Variants in GLYATL2 observed in about 807,000 individuals in gnomAD.
The protein encoded by GLYATL2 is glycine-N-acyltransferase like 2.
A neutral mutation model predicts 21.4 loss-of-function variants in GLYATL2; 25 were observed. That is an observed-to-expected ratio of 1.17 (90% confidence interval 0.85 to 1.63). GLYATL2 has a LOEUF of 1.63. Ranked by LOEUF, GLYATL2 falls within the 40% of genes most tolerant of loss-of-function variation. The pLI is 0.00. For missense variants in GLYATL2, 361 were observed against 343.3 expected (o/e 1.05, Z -0.41); for synonymous variants, 114 against 118.2 (o/e 0.96, Z 0.23).
At chr11:58,872,717 A>C (rs1418559348) in intron 1 of GLYATL2, among the ~76,000 whole-genome samples, 1 of 152,174 alleles carries the variant, frequency 6.6e-6, no homozygotes, top group African/African-American at 2.4e-5. Context: ...GTCAGGTAGC[A>C]TGATGCCTCC....
In GLYATL2 at chr11:58,891,840, A is replaced by G. The variant is rs74859858; in HGVS notation, n.60+12316T>C. Among the ~76,000 whole-genome samples the G allele has an allele frequency of 1.6e-3, 239 of 152,270 alleles. 5 individuals carry two copies. In the East Asian group the frequency reaches 0.038, roughly 24 times the overall value. On this transcript the variant is annotated intron_variant and non_coding_transcript_variant, in intron 1 of 4. Coordinates refer to the GLYATL2 transcript ENST00000533636. Reference sequence around the variant, plus strand: ...AAGCAGGGAGAGAAGCAATTGTTGCAATCTTGATTGTGCTGGGTGCTCGGT... The same window carrying G: ...AAGCAGGGAGAGAAGCAATTGTTGCGATCTTGATTGTGCTGGGTGCTCGGT...
At chr11:58,846,012 A>C (rs1338757764), upstream of GLYATL2, among the ~76,000 whole-genome samples, 2 of 151,988 alleles carry the variant, frequency 1.3e-5, no homozygotes, top group Admixed American at 6.6e-5. Flanking sequence ...CTATCAAAGA[A>C]TTTTACATAT....
chr11:58,878,808 T>C (rs559313533), intron 1 of GLYATL2, among the ~76,000 whole-genome samples: 1 of 152,282 alleles, frequency 6.6e-6, no homozygotes, highest in East Asian at 1.9e-4. Flanking sequence ...GGCAGTGAAG[T>C]CTTACAGAAA....
chr11:58,909,649 T>G, the GLYATL2 span, among the ~76,000 whole-genome samples: 4 of 152,220 alleles, frequency 2.6e-5, no homozygotes, highest in Non-Finnish European at 5.9e-5. Flanking sequence ...ATTTGGCGAA[T>G]AAGACAGCTG....
chr11:58,848,095 T>A (rs1853675565), upstream of GLYATL2, among the ~76,000 whole-genome samples: 1 of 150,030 alleles, frequency 6.7e-6, no homozygotes, highest in African/African-American at 2.5e-5. Flanking sequence ...TCTCCAAGAC[T>A]ATTGAGGCGG....
At chr11:58,848,489 C>T (rs1352796769), upstream of GLYATL2, among the ~76,000 whole-genome samples, 1 of 152,160 alleles carries the variant, frequency 6.6e-6, no homozygotes, top group Admixed American at 6.5e-5. Context: ...CTATCAGATA[C>T]ATTTAACAGA....
In GLYATL2 at chr11:58,888,408, G is replaced by T. The variant is rs61669118; in HGVS notation, n.60+15748C>A. Among the ~76,000 whole-genome samples the T allele has an allele frequency of 7.5e-3, 1,136 of 151,824 alleles. 17 individuals carry two copies. The highest frequency in any genetic ancestry group is 0.026 in the African/African-American group (1,087 of 41,474). On this transcript the variant is annotated intron_variant and non_coding_transcript_variant, in intron 1 of 4. Transcript: ENST00000533636. ...TTTTTCCTACTCCAAGATCATACAAGTGTTTTCTTATTTAATCTTACAGTG... is the reference window on the plus strand; with the variant it reads ...TTTTTCCTACTCCAAGATCATACAATTGTTTTCTTATTTAATCTTACAGTG...
At chr11:58,905,897 C>A (rs1485998756), upstream of GLYATL2, among the ~76,000 whole-genome samples, 2 of 152,228 alleles carry the variant, frequency 1.3e-5, no homozygotes, top group Non-Finnish European at 2.9e-5. Context: ...GAGGATGAAT[C>A]ATTTCCATCC....
chr11:58,887,067 T>C (rs931703625), intron 1 of GLYATL2, among the ~76,000 whole-genome samples: 17 of 152,250 alleles, frequency 1.1e-4, no homozygotes, highest in Non-Finnish European at 2.2e-4. Flanking sequence ...TAAATAATTG[T>C]AGGAGGTCAA....
chr11:58,873,643 A>T (rs1007233917), intron 1 of GLYATL2, among the ~76,000 whole-genome samples: 7 of 152,132 alleles, frequency 4.6e-5, no homozygotes, highest in Non-Finnish European at 1.0e-4. Flanking sequence ...AGCCCACTTG[A>T]TCATGGTGGA....
chr11:58,908,582 G>GTT (rs1854966061), upstream of GLYATL2: 1 of 178,880 alleles, frequency 5.6e-6, no homozygotes, highest in South Asian at 1.5e-4. Context: ...TCACTGGAGA[G>GTT]ATAGTCTAAC....
rs1853383929 is a variant in GLYATL2, at chr11:58,834,313, A to G, written c.*116T>C. 1.3e-6 allele frequency: 1 copy of G among 787,226 alleles called. No homozygotes were observed. The highest frequency in any genetic ancestry group is 1.8e-5 in the African/African-American group (1 of 57,010). The allele number at this position is 787,226 out of a possible 1,614,324, so 48.8% of individuals were successfully genotyped here. A position where few individuals can be genotyped will look rare whatever the true frequency, so the allele number is the denominator to read the frequency against. ...AAAACTGTTAAGGGTGAGCTTAAGT[A>G]ATACACAGATCCTAGATAATCAGTT... is the stretch of plus-strand genomic sequence containing the variant. On this transcript the variant is annotated 3_prime_UTR_variant, in exon 6 of 6. Coordinates refer to ENST00000287275, the MANE Select transcript of GLYATL2 (RefSeq NM_145016.4).
upstream of GLYATL2, among the ~76,000 whole-genome samples, chr11:58,905,169 T>C (rs1240736272): frequency 6.6e-6 from 1 of 152,244 alleles, no homozygotes; most frequent in Non-Finnish European, 1.5e-5. Context: ...ATGCGCGTCC[T>C]GGGAAACAGG....
intron 1 of GLYATL2, among the ~76,000 whole-genome samples, chr11:58,861,242 A>T (rs79328956): frequency 1.3e-5 from 2 of 151,392 alleles, no homozygotes; most frequent in Non-Finnish European, 3.0e-5. Flanking sequence ...TTGATGGAAT[A>T]TTTTTTTTAC....
intron 1 of GLYATL2, among the ~76,000 whole-genome samples, chr11:58,863,249 T>A (rs1043649143): frequency 3.9e-5 from 6 of 152,200 alleles, no homozygotes; most frequent in Non-Finnish European, 7.4e-5. Context: ...GATGTGGGCA[T>A]TGATCCTGTG....
At chr11:58,846,705 C>A (rs530373726), upstream of GLYATL2, among the ~76,000 whole-genome samples, 1 of 152,242 alleles carries the variant, frequency 6.6e-6, no homozygotes, top group African/African-American at 2.4e-5. Context: ...GAAAACCTCA[C>A]CACAGAGGGC....
chr11:58,842,879 C>G (rs1853578893), intron 1 of GLYATL2, among the ~76,000 whole-genome samples: 1 of 151,980 alleles, frequency 6.6e-6, no homozygotes. Context: ...CACAGACTCA[C>G]CAAAAATTAG....
intron 1 of GLYATL2, among the ~76,000 whole-genome samples, chr11:58,873,837 A>AT (rs1397745370): frequency 6.6e-6 from 1 of 152,094 alleles, no homozygotes; most frequent in African/African-American, 2.4e-5. Flanking sequence ...TTTTTTATTG[A>AT]TTGGAATAAT....
Position 58,834,283 on chromosome 11 carries a change from A to G in GLYATL2, c.*146T>C. The G allele has an allele frequency of 3.6e-6, 2 of 548,876 alleles. No homozygotes were observed. Among genetic ancestry groups the G allele is most frequent in the Non-Finnish European group, 6.0e-6 (2 of 330,600 alleles). The allele number at this position is 548,876 out of a possible 1,614,324, so 34.0% of individuals were successfully genotyped here. On this transcript the variant is annotated 3_prime_UTR_variant, in exon 6 of 6. Coordinates refer to ENST00000287275, the MANE Select transcript of GLYATL2 (RefSeq NM_145016.4). ...TTCTGTAAGAATACAGAGGAGAAGGAAGGTAAAACTGTTAAGGGTGAGCTT... is the reference window on the plus strand; with the variant it reads ...TTCTGTAAGAATACAGAGGAGAAGGGAGGTAAAACTGTTAAGGGTGAGCTT...
Sources: gnomAD v4.1 joint callset for allele counts (sites outside exome capture counted in the v4.1 genomes callset) on GRCh38, gnomAD v4.1.1 for gene constraint, MANE v1.5 for transcripts, NCBI Gene and HGNC (gene_info 2026-07-23, HGNC 2026-07-21) for gene names.